SHCBP1: variants seen among roughly 807,000 people sequenced by gnomAD.
The protein encoded by SHCBP1 is SHC binding and spindle associated 1, also known as SHC SH2 domain-binding protein 1.
A neutral mutation model predicts 75.1 loss-of-function variants in SHCBP1; 60 were observed. The ratio of observed to expected loss-of-function variants is 0.80; its 90% CI spans 0.65 to 0.99. The LOEUF is 0.99. SHCBP1 is among the 50% of genes least tolerant of loss of function. The probability of loss-of-function intolerance (pLI) is 0.00; values close to 1 mark genes in which losing one functional copy is unlikely to be tolerated. For synonymous variants in SHCBP1, 290 were observed against 293.2 expected (o/e 0.99, Z 0.11); for missense variants, 709 against 809.4 (o/e 0.88, Z 1.50).
chr16:46,600,100 T>A (rs985290223), intron 8 of SHCBP1, 138 bp from the exon 9 acceptor site: 1 of 981,878 alleles, frequency 1.0e-6, no homozygotes, highest in Admixed American at 3.1e-5. Flanking sequence ...TTAAATAAAA[T>A]CTATCTCCCC....
chr16:46,598,729 TCTAA>T (rs1419832428), intron 9 of SHCBP1, among the ~76,000 whole-genome samples: 2 of 152,192 alleles, frequency 1.3e-5, no homozygotes, highest in Non-Finnish European at 2.9e-5. Flanking sequence ...ACTTCTCCTC[TCTAA>T]CTATGAAAAG....
chr16:46,612,301 G>A (rs183629782), intron 4 of SHCBP1, among the ~76,000 whole-genome samples: 2 of 152,300 alleles, frequency 1.3e-5, no homozygotes, highest in Admixed American at 1.3e-4. Flanking sequence ...TCAGAGATGA[G>A]GTCAGGGTAG....
At chr16:46,584,178 CA>C in intron 10 of SHCBP1, 89 bp from the exon 11 acceptor site, 2 of 887,674 alleles carry the variant, frequency 2.3e-6, no homozygotes, top group Admixed American at 2.5e-5. Flanking sequence ...GCCTTTAACA[CA>C]GTACAAATGT....
chr16:46,618,371 A>T lies in SHCBP1; in HGVS notation c.105T>A (p.Gly35=), dbSNP rs1354604533. The change falls in exon 2 of 13, where the codon GGT becomes GGA. Residue 35 remains glycine, a splice_region_variant and synonymous_variant. Transcript: ENST00000303383. ...TGCATGAATCTTCATCTTGGAACAA[A>T]CCTAAAAAAAAAAAGCAAAAATAAG... ...VEQELASLEK[G]LFQDEDSCSD... is the part of the protein sequence containing the mutation. 7.0e-6 allele frequency: 11 copies of T among 1,579,574 alleles called. No individual in the cohort carries two copies.
intron 4 of SHCBP1, among the ~76,000 whole-genome samples, chr16:46,609,999 G>A (rs956408172): frequency 2.6e-5 from 4 of 150,990 alleles, no homozygotes; most frequent in Non-Finnish European, 5.9e-5. Flanking sequence ...TGCCCAGGCT[G>A]GAGTGCAACG....
rs745599323 is a variant in SHCBP1, at chr16:46,621,278, C to A, written c.82G>T (p.Glu28Ter). ...PERMGWAVEQ[E>*]LASLEKGLFQ... is the part of the protein sequence containing the mutation. ...TCACCTTTCTCCAGAGACGCCAGCTCCTGCTCCACCGCCCAGCCCATGCGC... is the reference window on the plus strand; with the variant it reads ...TCACCTTTCTCCAGAGACGCCAGCTACTGCTCCACCGCCCAGCCCATGCGC... Residue 28 changes from glutamate to a stop codon, truncating the protein, a stop_gained, in exon 1 of 13, where the codon GAG becomes TAG. Transcript: ENST00000303383. LOFTEE classifies it high-confidence loss of function. The A allele has an allele frequency of 1.2e-6, 2 of 1,610,152 alleles. No homozygotes were observed. The highest frequency in any genetic ancestry group is 3.3e-5 in the Admixed American group (2 of 59,944).
chr16:46,603,313 T>C (rs1183123169), intron 8 of SHCBP1, among the ~76,000 whole-genome samples: 1 of 152,208 alleles, frequency 6.6e-6, no homozygotes, highest in Non-Finnish European at 1.5e-5. Flanking sequence ...TATGAGCCTG[T>C]GAACATCTCC....
intron 8 of SHCBP1, 59 bp from the exon 9 acceptor site, chr16:46,600,021 C>A: frequency 6.3e-7 from 1 of 1,576,674 alleles, no homozygotes; most frequent in Non-Finnish European, 8.6e-7. Flanking sequence ...TAAACGTGAA[C>A]ACTGTAGAAC....
intron 10 of SHCBP1, among the ~76,000 whole-genome samples, chr16:46,587,530 G>C (rs1393162901): frequency 6.6e-6 from 1 of 152,044 alleles, no homozygotes; most frequent in Non-Finnish European, 1.5e-5. Context: ...ACTTCAAACA[G>C]AATATAGGCA....
chr16:46,604,574 C>T (rs1053368593), intron 5 of SHCBP1, 113 bp from the exon 6 acceptor site: 16 of 683,026 alleles, frequency 2.3e-5, no homozygotes, highest in Non-Finnish European at 3.4e-5. Flanking sequence ...GTATATAACT[C>T]AGGTGCATGT....
intron 5 of SHCBP1, among the ~76,000 whole-genome samples, chr16:46,606,993 T>C (rs1294968538): frequency 1.3e-5 from 2 of 152,000 alleles, no homozygotes. Context: ...GCTAATTTTT[T>C]TTTTTAGGTT....
chr16:46,596,593 TTTTTA>T (rs1448052408), intron 9 of SHCBP1, among the ~76,000 whole-genome samples: 3 of 151,690 alleles, frequency 2.0e-5, no homozygotes, highest in Non-Finnish European at 4.4e-5. Context: ...ATTTTTGTAT[TTTTTA>T]GTAGAGACAG....
intron 9 of SHCBP1, among the ~76,000 whole-genome samples, chr16:46,598,655 C>T (rs372709118): frequency 6.6e-6 from 1 of 152,160 alleles, no homozygotes; most frequent in South Asian, 2.1e-4. Flanking sequence ...CTTAAAGTCA[C>T]CAGTTACATT....
intron 9 of SHCBP1, among the ~76,000 whole-genome samples, chr16:46,598,823 G>A (rs977643817): frequency 3.3e-5 from 5 of 152,162 alleles, no homozygotes; most frequent in African/African-American, 7.2e-5. Context: ...CACCTTCATC[G>A]ATTACCTTAG....
At chr16:46,614,082 T>A (rs1185628858) in intron 4 of SHCBP1, among the ~76,000 whole-genome samples, 1 of 152,190 alleles carries the variant, frequency 6.6e-6, no homozygotes, top group African/African-American at 2.4e-5. Context: ...ATTGACAGAT[T>A]TTTTTTAATG....
At chr16:46,601,102 A>C (rs1449419501) in intron 8 of SHCBP1, among the ~76,000 whole-genome samples, 1 of 152,140 alleles carries the variant, frequency 6.6e-6, no homozygotes, top group Non-Finnish European at 1.5e-5. Flanking sequence ...TGAGGTCAGG[A>C]GTTCGAGACC....
intron 3 of SHCBP1, 91 bp downstream of exon 3, chr16:46,617,543 C>A: frequency 1.0e-6 from 1 of 956,248 alleles, no homozygotes; most frequent in South Asian, 1.6e-5. Flanking sequence ...AGCTCATAAA[C>A]TTTAATTAAA....
intron 8 of SHCBP1, among the ~76,000 whole-genome samples, chr16:46,602,366 A>G (rs1175331353): frequency 1.3e-5 from 2 of 152,252 alleles, no homozygotes. Context: ...GGAGAAAACT[A>G]AACTTCCAGC....
chr16:46,603,022 G>C (rs904078887), intron 8 of SHCBP1, among the ~76,000 whole-genome samples: 1 of 152,126 alleles, frequency 6.6e-6, no homozygotes, highest in East Asian at 1.9e-4. Context: ...GTGACATTCG[G>C]CAAGCATTTA....
Sources: allele counts gnomAD v4.1 joint callset (sites outside exome capture counted in the v4.1 genomes callset), GRCh38; gene constraint gnomAD v4.1.1; transcripts MANE v1.5; gene names NCBI Gene and HGNC (gene_info 2026-07-23, HGNC 2026-07-21).